Variants in NMBR observed in about 807,000 individuals in gnomAD.
NMBR encodes neuromedin B receptor.
In NMBR, 16 loss-of-function variants were observed where a neutral mutation model predicts 20.5. That is an observed-to-expected ratio of 0.78 (90% CI 0.53 to 1.19). NMBR has a LOEUF of 1.19. NMBR is among the 50% of genes most tolerant of loss of function. The pLI is 0.00. For synonymous variants in NMBR, 212 were observed against 196.6 expected (o/e 1.08, Z -0.65); for missense variants, 582 against 499.1 (o/e 1.17, Z -1.58).
intron 1 of NMBR, among the ~76,000 whole-genome samples, chr6:142,138,935 T>C (rs1778318725): frequency 6.6e-6 from 1 of 152,224 alleles, no homozygotes; most frequent in Non-Finnish European, 1.5e-5. Flanking sequence ...ATGACCAGTG[T>C]AGTACTTACT....
chr6:142,108,627 C>G (rs1777702351), intron 1 of NMBR, among the ~76,000 whole-genome samples: 1 of 152,060 alleles, frequency 6.6e-6, no homozygotes, highest in African/African-American at 2.4e-5. Context: ...ATGGAGGTAA[C>G]CGCTCCATGA....
At chr6:142,136,612 G>A (rs1485878373) in intron 1 of NMBR, among the ~76,000 whole-genome samples, 1 of 152,042 alleles carries the variant, frequency 6.6e-6, no homozygotes. Flanking sequence ...TTTCTTCTAG[G>A]GTTTTTATGG....
chr6:142,096,555 G>A (rs1337133767), intron 1 of NMBR, among the ~76,000 whole-genome samples: 7 of 152,082 alleles, frequency 4.6e-5, no homozygotes, highest in Non-Finnish European at 1.5e-5. Context: ...TATAATTTCT[G>A]TTCTTTTACA....
chr6:142,080,131 CCTT>C (rs939451358), intron 2 of NMBR, among the ~76,000 whole-genome samples: 13 of 152,002 alleles, frequency 8.6e-5, no homozygotes, highest in African/African-American at 1.5e-4. Flanking sequence ...CACATCTCCA[CCTT>C]CTTCTTGATT....
At chr6:142,092,769 G>C (rs1777354589) in intron 1 of NMBR, among the ~76,000 whole-genome samples, 1 of 152,138 alleles carries the variant, frequency 6.6e-6, no homozygotes, top group South Asian at 2.1e-4. Context: ...GATGGAATTG[G>C]AATCAGCAGA....
At chr6:142,096,551 T>C (rs1777456199) in intron 1 of NMBR, among the ~76,000 whole-genome samples, 2 of 152,280 alleles carry the variant, frequency 1.3e-5, no homozygotes, top group South Asian at 4.1e-4. Flanking sequence ...TTGTTATAAT[T>C]TCTGTTCTTT....
intron 1 of NMBR, chr6:142,134,081 T>C: frequency 1.8e-6 from 1 of 564,880 alleles, no homozygotes; most frequent in Non-Finnish European, 3.3e-6. Flanking sequence ...ACAAACTCAT[T>C]TTCTCTTTAA....
intron 1 of NMBR, among the ~76,000 whole-genome samples, chr6:142,127,781 G>A (rs1259219666): frequency 1.3e-5 from 2 of 151,382 alleles, no homozygotes; most frequent in East Asian, 3.9e-4. Context: ...TTCTTTTTCA[G>A]GTAGCTCATT....
intron 2 of NMBR, among the ~76,000 whole-genome samples, chr6:142,079,143 A>AAG (rs1172053613): frequency 0.074 from 8,047 of 109,110 alleles, 369 homozygotes; most frequent in Admixed American, 0.17. Flanking sequence ...GAAAGAAAGA[A>AAG]AAAGAAGAGA....
intron 3 of NMBR, among the ~76,000 whole-genome samples, 196 bp from the exon 4 acceptor site, chr6:142,076,245 G>A (rs1776946135): frequency 6.6e-6 from 1 of 152,092 alleles, no homozygotes; most frequent in South Asian, 2.1e-4. Flanking sequence ...TACATTATTT[G>A]CATTAATAAA....
intron 2 of NMBR, among the ~76,000 whole-genome samples, chr6:142,080,213 A>C (rs1246056133): frequency 6.6e-6 from 1 of 150,534 alleles, no homozygotes; most frequent in African/African-American, 2.4e-5. Context: ...AATTTCTGCT[A>C]TCATCTTTTG....
chr6:142,144,544 T>C (rs866951430), intron 1 of NMBR, among the ~76,000 whole-genome samples: 37 of 152,252 alleles, frequency 2.4e-4, no homozygotes, highest in African/African-American at 8.7e-4. Flanking sequence ...AGCCCAGTCC[T>C]AGAGGGTGAT....
intron 1 of NMBR, among the ~76,000 whole-genome samples, chr6:142,142,175 A>T (rs1778372047): frequency 6.6e-6 from 1 of 152,216 alleles, no homozygotes; most frequent in African/African-American, 2.4e-5. Flanking sequence ...TTATCCATAT[A>T]TCGATTTTTA....
intron 1 of NMBR, among the ~76,000 whole-genome samples, chr6:142,123,966 A>G (rs539606586): frequency 7.9e-5 from 12 of 152,058 alleles, no homozygotes; most frequent in African/African-American, 2.9e-4. Flanking sequence ...AGTGAAATTA[A>G]CACGGTAACT....
At chr6:142,120,114 G>C (rs770151465) in intron 1 of NMBR, among the ~76,000 whole-genome samples, 1 of 152,078 alleles carries the variant, frequency 6.6e-6, no homozygotes, top group South Asian at 2.1e-4. Context: ...CACAAGACCA[G>C]TTTAAGAGAC....
At chr6:142,145,899 G>A (rs1660409603) in intron 1 of NMBR, among the ~76,000 whole-genome samples, 1 of 152,234 alleles carries the variant, frequency 6.6e-6, no homozygotes, top group African/African-American at 2.4e-5. Context: ...ATCTTTAAGG[G>A]CAGCTGCGGT....
chr6:142,137,404 A>C (rs930401479), intron 1 of NMBR, among the ~76,000 whole-genome samples: 16 of 152,164 alleles, frequency 1.1e-4, no homozygotes, highest in African/African-American at 3.9e-4. Context: ...GGCTGAGACA[A>C]TGGGGTTTTC....
chr6:142,120,574 A>G (rs1266855784), intron 1 of NMBR, among the ~76,000 whole-genome samples: 2 of 151,938 alleles, frequency 1.3e-5, no homozygotes, highest in South Asian at 2.1e-4. Flanking sequence ...ACACTTAAAA[A>G]CATTTGAAAT....
chr6:142,114,369 T>C (rs1237683310), intron 1 of NMBR, among the ~76,000 whole-genome samples: 5 of 152,136 alleles, frequency 3.3e-5, no homozygotes, highest in Non-Finnish European at 5.9e-5. Flanking sequence ...TCTAATACTT[T>C]TTCACAAATT....
Sources: allele counts gnomAD v4.1 joint callset (sites outside exome capture counted in the v4.1 genomes callset), GRCh38; gene constraint gnomAD v4.1.1; transcripts MANE v1.5; gene names NCBI Gene and HGNC (gene_info 2026-07-23, HGNC 2026-07-21).